The following RAPGEF2 variants were observed in gnomAD, a reference collection of about 807,000 sequenced individuals.
RAPGEF2 encodes Rap guanine nucleotide exchange factor 2, also known as PDZ domain containing guanine nucleotide exchange factor (GEF) 1.
In RAPGEF2, 54 loss-of-function variants were observed where a neutral mutation model predicts 186.7. The observed-to-expected ratio is 0.29, with a 90% CI of 0.23 to 0.36. RAPGEF2 has a LOEUF of 0.36. RAPGEF2 is among the 10% of genes least tolerant of loss of function. RAPGEF2 has a pLI of 1.00. For synonymous variants in RAPGEF2, 712 were observed against 705.9 expected (o/e 1.01, Z -0.14); for missense variants, 1,532 against 2,045.0 (o/e 0.75, Z 4.84).
intron 1 of RAPGEF2, among the ~76,000 whole-genome samples, chr4:159,163,677 C>A (rs1023733522): frequency 6.6e-6 from 1 of 152,076 alleles, no homozygotes; most frequent in African/African-American, 2.4e-5. Context: ...GCATAAAAAT[C>A]ACTTTTTCTA....
chr4:159,340,428 AT>A (rs1174332029), intron 19 of RAPGEF2, among the ~76,000 whole-genome samples: 4 of 152,288 alleles, frequency 2.6e-5, no homozygotes, highest in African/African-American at 9.6e-5. Context: ...ATTGAAGAAA[AT>A]TATAGATGGG....
chr4:159,183,697 C>T (rs1000269965), intron 1 of RAPGEF2, among the ~76,000 whole-genome samples: 1 of 152,090 alleles, frequency 6.6e-6, no homozygotes, highest in Non-Finnish European at 1.5e-5. Context: ...AGGACGGTTA[C>T]AATTTAATGA....
At chr4:159,137,729 TG>T (rs1371475931) in intron 1 of RAPGEF2, among the ~76,000 whole-genome samples, 1 of 104,618 alleles carries the variant, frequency 9.6e-6, no homozygotes, top group African/African-American at 3.1e-5. Context: ...AAAAAAAACC[TG>T]CAAAGATTTA....
intron 3 of RAPGEF2, among the ~76,000 whole-genome samples, chr4:159,209,413 G>A (rs547884680): frequency 7.2e-5 from 11 of 152,318 alleles, no homozygotes; most frequent in Admixed American, 2.0e-4. Flanking sequence ...CGAGGCAGTG[G>A]CAGCCCATGG....
In RAPGEF2 at chr4:159,282,462, T is replaced by C. The variant is rs559654494; in HGVS notation, c.544-21880T>C. 1.6e-5 allele frequency: 4 copies of C among 245,566 alleles called. No individual in the cohort carries two copies. In the East Asian group the frequency reaches 4.0e-4, roughly 24 times the overall value. The allele number at this position is 245,566 out of a possible 1,614,324, so 15.2% of individuals were successfully genotyped here. ...AAGACCTGTCTTTGTAGTCATTTCGTGTGTGTGTGTTTGCAAGGAGGTATT... is the reference window on the plus strand; with the variant it reads ...AAGACCTGTCTTTGTAGTCATTTCGCGTGTGTGTGTTTGCAAGGAGGTATT... On this transcript the variant is annotated intron_variant, in intron 7 of 29. Transcript: ENST00000691494.
intron 1 of RAPGEF2, among the ~76,000 whole-genome samples, chr4:159,105,996 C>A (rs752037462): frequency 1.1e-4 from 17 of 152,280 alleles, no homozygotes; most frequent in Non-Finnish European, 2.4e-4. Flanking sequence ...CCAAACAAGA[C>A]TAGAAGAGAC....
chr4:159,329,785 C>T (rs1451449188), intron 11 of RAPGEF2, 73 bp from the exon 12 acceptor site: 29 of 1,217,588 alleles, frequency 2.4e-5, no homozygotes, highest in Non-Finnish European at 3.1e-5. Flanking sequence ...ATAATTAAAA[C>T]ACTGAATTAT....
At chr4:159,290,804 A>C (rs575115294) in intron 7 of RAPGEF2, among the ~76,000 whole-genome samples, 1 of 152,164 alleles carries the variant, frequency 6.6e-6, no homozygotes, top group East Asian at 1.9e-4. Context: ...GACTTCTTGC[A>C]GTTTATGAGT....
At chr4:159,310,462 T>A (rs1303177190) in intron 8 of RAPGEF2, among the ~76,000 whole-genome samples, 1 of 152,136 alleles carries the variant, frequency 6.6e-6, no homozygotes, top group Non-Finnish European at 1.5e-5. Context: ...AAATTAATAC[T>A]TCAGTAGAGC....
intron 11 of RAPGEF2, chr4:159,326,759 T>G (rs2111179170): frequency 6.6e-6 from 1 of 152,552 alleles, no homozygotes; most frequent in South Asian, 2.1e-4. Flanking sequence ...TTCTTTTCTT[T>G]TTCCCTTCTC....
intron 4 of RAPGEF2, among the ~76,000 whole-genome samples, 155 bp from the exon 5 acceptor site, chr4:159,238,654 G>A (rs1384824476): frequency 1.3e-5 from 2 of 152,026 alleles, no homozygotes; most frequent in Admixed American, 6.6e-5. Context: ...TTGTCATTCT[G>A]TGTAAATTAT....
intron 3 of RAPGEF2, among the ~76,000 whole-genome samples, chr4:159,193,735 TAAGAA>T (rs1460909880): frequency 6.6e-6 from 1 of 152,346 alleles, no homozygotes; most frequent in African/African-American, 2.4e-5. Context: ...ACATATTCCT[TAAGAA>T]AAGACAGCGT....
chr4:159,332,086 T>C (rs898045698), intron 16 of RAPGEF2, 52 bp downstream of exon 16: 1 of 1,182,048 alleles, frequency 8.5e-7, no homozygotes, highest in Non-Finnish European at 1.2e-6. Flanking sequence ...TGTTTTTTAG[T>C]ATTTCAAACA....
intron 7 of RAPGEF2, among the ~76,000 whole-genome samples, chr4:159,255,323 C>T (rs4637352): frequency 6.6e-6 from 1 of 151,522 alleles, no homozygotes; most frequent in South Asian, 2.1e-4. Flanking sequence ...TTCTAGAATT[C>T]TTCTCTTTCT....
At chr4:159,140,742 A>G (rs1742224965) in intron 1 of RAPGEF2, among the ~76,000 whole-genome samples, 1 of 152,152 alleles carries the variant, frequency 6.6e-6, no homozygotes, top group Admixed American at 6.5e-5. Context: ...AGAATTTAAC[A>G]TTGATAACAC....
rs138336641 is a variant in RAPGEF2, at chr4:159,217,376, A to G, written c.281+6793A>G. ...GTTTGTTGTTGCCATGTTTATGTCCATGAGTACCTAACGTTTAGCTCCCAC... is the reference window on the plus strand; with the variant it reads ...GTTTGTTGTTGCCATGTTTATGTCCGTGAGTACCTAACGTTTAGCTCCCAC... On this transcript the variant is annotated intron_variant, in intron 4 of 29. Transcript: ENST00000691494. Among the ~76,000 whole-genome samples the G allele has an allele frequency of 4.4e-3, 676 of 152,230 alleles. 4 individuals are homozygous for G. Among genetic ancestry groups the G allele is most frequent in the African/African-American group, 0.015 (635 of 41,522 alleles).
At chr4:159,328,989 T>G (rs569576316) in intron 11 of RAPGEF2, 1 of 152,280 alleles carries the variant, frequency 6.6e-6, no homozygotes, top group East Asian at 1.9e-4. Context: ...TTTTATCTTA[T>G]TTACAATATA....
intron 1 of RAPGEF2, among the ~76,000 whole-genome samples, chr4:159,147,692 A>G (rs1743093082): frequency 6.6e-6 from 1 of 152,240 alleles, no homozygotes; most frequent in Non-Finnish European, 1.5e-5. Flanking sequence ...TTGAATATTC[A>G]TTAAAAATTA....
At position 159,359,483 on chromosome 4, in the gene RAPGEF2, A is replaced by G. The variant is rs1247590575; in HGVS notation, c.*1344A>G. The G allele has an allele frequency of 1.3e-5, 2 of 152,006 alleles. No homozygotes were observed. Among genetic ancestry groups the G allele is most frequent in the African/African-American group, 2.4e-5 (1 of 41,372 alleles). The allele number at this position is 152,006 out of a possible 1,614,324, so 9.4% of individuals were successfully genotyped here. A position where few individuals can be genotyped will look rare whatever the true frequency, so the allele number is the denominator to read the frequency against. On this transcript the variant is annotated 3_prime_UTR_variant, in exon 30 of 30. Transcript: ENST00000691494. ...ATGACTGAAATGACCCCTCCACTCT[A>G]TTTTTGTGTTGTTTTGCACAGACTC...
Sources: gnomAD v4.1 joint callset for allele counts (sites outside exome capture counted in the v4.1 genomes callset) on GRCh38, gnomAD v4.1.1 for gene constraint, MANE v1.5 for transcripts, NCBI Gene and HGNC (gene_info 2026-07-23, HGNC 2026-07-21) for gene names.